The following ZNF226 variants were observed in gnomAD, a reference collection of about 807,000 sequenced individuals.
The protein encoded by ZNF226 is Kruppel-associated box protein.
Under a neutral mutation model 11.4 loss-of-function variants are expected in ZNF226, and 6 were observed. The observed-to-expected ratio is 0.53, with a 90% confidence interval of 0.29 to 1.04. The LOEUF (loss-of-function observed/expected upper bound fraction) is 1.04. Ranked by LOEUF, ZNF226 falls within the 50% of genes least tolerant of loss-of-function variation. The pLI is 0.08. For synonymous variants in ZNF226, 350 were observed against 322.8 expected (o/e 1.08, Z -0.90); for missense variants, 1,058 against 956.5 (o/e 1.11, Z -1.40).
At chr19:44,169,931 C>T (rs1440023128) in intron 2 of ZNF226, 104 bp from the exon 3 acceptor site, 3 of 623,734 alleles carry the variant, frequency 4.8e-6, no homozygotes, top group Non-Finnish European at 7.8e-6. Context: ...CATAAAGCTG[C>T]AGCCACCCCA....
At chr19:44,186,652 C>A in the ZNF226 span, among the ~76,000 whole-genome samples, 12 of 152,064 alleles carry the variant, frequency 7.9e-5, no homozygotes, top group South Asian at 1.9e-3. Context: ...AATTTTAATT[C>A]TTCTTTCCAA....
chr19:44,177,748 C>T, downstream of ZNF226: 1 of 1,453,732 alleles, frequency 6.9e-7, no homozygotes, highest in Non-Finnish European at 9.1e-7. Flanking sequence ...AGCCGTAGCT[C>T]CTCATGTCCC....
chr19:44,173,192 T>C, intron 5 of ZNF226: 5 of 556,918 alleles, frequency 9.0e-6, no homozygotes, highest in Non-Finnish European at 1.3e-5. Flanking sequence ...AAATTCTCTG[T>C]GACTTATTTT....
chr19:44,181,735 CT>C (rs1444081848), downstream of ZNF226, among the ~76,000 whole-genome samples: 2 of 152,138 alleles, frequency 1.3e-5, no homozygotes, highest in Non-Finnish European at 2.9e-5. Context: ...AGGAGCCCTT[CT>C]TCCTCTATTT....
the ZNF226 span, among the ~76,000 whole-genome samples, chr19:44,198,900 GT>G: frequency 2.0e-5 from 3 of 152,078 alleles, no homozygotes; most frequent in Non-Finnish European, 2.9e-5. Context: ...CACCTCCAGG[GT>G]TCAAAGGATT....
the ZNF226 span, among the ~76,000 whole-genome samples, chr19:44,191,016 A>G: frequency 6.6e-6 from 1 of 152,250 alleles, no homozygotes; most frequent in African/African-American, 2.4e-5. Flanking sequence ...CAATGTTTAA[A>G]TTAAAAGTTA....
At chr19:44,179,930 T>A (rs1408739884), downstream of ZNF226, among the ~76,000 whole-genome samples, 1 of 150,474 alleles carries the variant, frequency 6.6e-6, no homozygotes, top group East Asian at 2.0e-4. Flanking sequence ...TAAAAAAAAA[T>A]ACAAAAACTA....
intron 5 of ZNF226, chr19:44,174,795 C>T (rs568436881): frequency 2.4e-6 from 1 of 419,414 alleles, no homozygotes; most frequent in East Asian, 3.6e-5. Context: ...GCTAGCCTTC[C>T]AATTTTGACT....
At position 44,172,151 on chromosome 19, in the gene ZNF226, C is replaced by A; in HGVS notation, c.79C>A (p.Pro27Thr). The change falls in exon 4 of 6, where the codon CCT (proline) becomes ACT (threonine). Residue 27 changes from proline to threonine, a missense_variant. Physicochemically the swap from Pro to Thr is conservative, Grantham distance 38. Coordinates refer to ENST00000337433, the MANE Select transcript of ZNF226 (RefSeq NM_001032373.2). ...GGAGGAGGAATTGGGGCTGCTGGGCCCTGCCCAGAGGAAGCTGTACCGAGA... is the reference window on the plus strand; with the variant it reads ...GGAGGAGGAATTGGGGCTGCTGGGCACTGCCCAGAGGAAGCTGTACCGAGA... ...FTEEELGLLG[P>T]AQRKLYRDVM... The A allele has an allele frequency of 6.2e-7, 1 of 1,613,306 alleles. No individual in the cohort carries two copies. Among genetic ancestry groups the A allele is most frequent in the Non-Finnish European group, 8.5e-7 (1 of 1,179,508 alleles).
intron 2 of ZNF226, among the ~76,000 whole-genome samples, chr19:44,169,409 T>C (rs1211134252): frequency 6.6e-6 from 1 of 152,216 alleles, no homozygotes; most frequent in Non-Finnish European, 1.5e-5. Flanking sequence ...TGGCAAATTA[T>C]TGGAAAGACG....
chr19:44,196,315 C>T, the ZNF226 span, among the ~76,000 whole-genome samples: 1 of 152,168 alleles, frequency 6.6e-6, no homozygotes, highest in African/African-American at 2.4e-5. Flanking sequence ...TCAACCATGT[C>T]CATTCCCAGT....
At chr19:44,168,957 C>G (rs1969732019) in intron 2 of ZNF226, among the ~76,000 whole-genome samples, 1 of 98,916 alleles carries the variant, frequency 1.0e-5, no homozygotes, top group Non-Finnish European at 2.1e-5. Context: ...ATTACACATT[C>G]TTTTGTTTAT....
intron 5 of ZNF226, chr19:44,174,941 C>T: frequency 6.3e-7 from 1 of 1,589,348 alleles, no homozygotes; most frequent in Non-Finnish European, 8.6e-7. Context: ...AGCTTTTCAA[C>T]TTTGCAGCAA....
intron 2 of ZNF226, among the ~76,000 whole-genome samples, chr19:44,167,551 C>T (rs1453576741): frequency 6.6e-6 from 1 of 152,050 alleles, no homozygotes; most frequent in Admixed American, 6.6e-5. Flanking sequence ...AACTCCTGAC[C>T]TCAGGTGATC....
intron 4 of ZNF226, 141 bp downstream of exon 4, chr19:44,172,355 T>C (rs1358029292): frequency 8.9e-7 from 1 of 1,127,430 alleles, no homozygotes; most frequent in African/African-American, 1.6e-5. Context: ...TTCTGGTCTT[T>C]CTGAACAGAA....
chr19:44,178,892 A>C (rs371953195), downstream of ZNF226, among the ~76,000 whole-genome samples: 53 of 152,332 alleles, frequency 3.5e-4, 1 homozygote, highest in South Asian at 0.011. Flanking sequence ...GTTTAAGAAC[A>C]TCACAGGCTG....
In ZNF226 at chr19:44,177,583, A is replaced by T; in HGVS notation, c.2321A>T (p.His774Leu). The T allele has an allele frequency of 6.2e-7, 1 of 1,614,050 alleles. No individual in the cohort carries two copies. The highest frequency in any genetic ancestry group is 8.5e-7 in the Non-Finnish European group (1 of 1,179,906). Residue 774 changes from histidine (H) to leucine (L), a missense_variant, in exon 6 of 6, where the codon CAC (histidine) becomes CTC (leucine). Transcript: ENST00000337433. The stretch of plus-strand genomic sequence containing the variant: ...TGGCGATCAAATCTTACAGTTCATC[A>T]CAGAATCCATGTTGGTGATAAATCC... ...FSWRSNLTVH[H>L]RIHVGDKSYK... is the part of the protein sequence containing the mutation.
chr19:44,177,317 C>G lies in ZNF226; in HGVS notation c.2055C>G (p.Asn685Lys). 1 of 1,613,658 alleles carries G rather than the reference C, an allele frequency of 6.2e-7. No individual in the cohort carries two copies. The change falls in exon 6 of 6, where the codon AAC becomes AAG. Residue 685 changes from asparagine to lysine, a missense_variant. Asn to Lys is a moderately conservative substitution (Grantham distance 94). Coordinates refer to ENST00000337433, the MANE Select transcript of ZNF226 (RefSeq NM_001032373.2). Reference protein sequence around the residue: ...ECGKGFKWSLNLDMHQRVHTG... With the variant: ...ECGKGFKWSLKLDMHQRVHTG... ...GGAAGGGCTTCAAGTGGAGCTTGAA[C>G]CTTGACATGCATCAGAGGGTGCACA...
intron 5 of ZNF226, chr19:44,174,628 T>C (rs1970511656): frequency 5.8e-6 from 1 of 171,820 alleles, no homozygotes; most frequent in South Asian, 1.8e-4. Flanking sequence ...TATGATACTT[T>C]ATCTGTTTTT....
Sources: gnomAD v4.1 joint callset for allele counts (sites outside exome capture counted in the v4.1 genomes callset) on GRCh38, gnomAD v4.1.1 for gene constraint, MANE v1.5 for transcripts, NCBI Gene and HGNC (gene_info 2026-07-23, HGNC 2026-07-21) for gene names.